The following RGS21 variants were observed in gnomAD, a reference collection of about 807,000 sequenced individuals.
RGS21 encodes the protein regulator of G-protein signalling 21.
In RGS21, 19 loss-of-function variants were observed where a neutral mutation model predicts 18.7. The observed-to-expected ratio is 1.01, with a 90% confidence interval of 0.71 to 1.49. The LOEUF (loss-of-function observed/expected upper bound fraction) is 1.49, where lower values mean the gene tolerates loss of function less well. Ranked by LOEUF, RGS21 falls within the 40% of genes most tolerant of loss-of-function variation. RGS21 has a pLI of 0.00. For synonymous variants in RGS21, 56 were observed against 57.8 expected (o/e 0.97, Z 0.14); for missense variants, 194 against 176.8 (o/e 1.10, Z -0.55).
At chr1:192,348,318 G>A (rs908606630) in intron 3 of RGS21, among the ~76,000 whole-genome samples, 4 of 152,044 alleles carry the variant, frequency 2.6e-5, no homozygotes, top group Non-Finnish European at 2.9e-5. Flanking sequence ...AAGCCACTGC[G>A]CCCAGCTGGC....
intron 1 of RGS21, among the ~76,000 whole-genome samples, chr1:192,318,694 A>G (rs1027161393): frequency 1.3e-5 from 2 of 152,094 alleles, no homozygotes. Flanking sequence ...TAATCTTCAT[A>G]CTCATCATTG....
chr1:192,319,609 CT>C (rs1445066771), intron 1 of RGS21, among the ~76,000 whole-genome samples: 11 of 151,990 alleles, frequency 7.2e-5, no homozygotes, highest in African/African-American at 2.7e-4. Flanking sequence ...ACAAGATGAG[CT>C]TTAAGGGATG....
intron 4 of RGS21, among the ~76,000 whole-genome samples, chr1:192,364,449 T>A (rs1333588592): frequency 6.6e-6 from 1 of 152,174 alleles, no homozygotes; most frequent in Non-Finnish European, 1.5e-5. Flanking sequence ...GGTATTCTTG[T>A]GTCATTTAAT....
chr1:192,333,218 A>C (rs1190668046), intron 1 of RGS21, among the ~76,000 whole-genome samples: 2 of 151,460 alleles, frequency 1.3e-5, no homozygotes, highest in African/African-American at 2.4e-5. Context: ...CATACACTGC[A>C]GGTAGCATAT....
In RGS21 at chr1:192,366,185, A is replaced by G. The variant is rs1659257932; in HGVS notation, c.*61A>G. On this transcript the variant is annotated 3_prime_UTR_variant, in exon 5 of 5. Coordinates refer to ENST00000417209, the MANE Select transcript of RGS21 (RefSeq NM_001039152.3). ...GCTACAATATTTTAAATATACAAGCATGATGCATTGTCTTTTGTTTTGTTT... is the reference window on the plus strand; with the variant it reads ...GCTACAATATTTTAAATATACAAGCGTGATGCATTGTCTTTTGTTTTGTTT... 2 of 958,554 alleles carry G rather than the reference A, an allele frequency of 2.1e-6. No individual in the cohort carries two copies. The highest frequency in any genetic ancestry group is 1.6e-6 in the Non-Finnish European group (1 of 614,046). The allele number at this position is 958,554 out of a possible 1,614,324, so 59.4% of individuals were successfully genotyped here.
At chr1:192,351,933 T>C in intron 3 of RGS21, 114 bp from the exon 4 acceptor site, 1 of 586,252 alleles carries the variant, frequency 1.7e-6, no homozygotes, top group African/African-American at 1.9e-5. Flanking sequence ...GATGCAATGA[T>C]CAATATTTGC....
chr1:192,353,700 T>G (rs1659075919), intron 4 of RGS21, among the ~76,000 whole-genome samples: 1 of 150,982 alleles, frequency 6.6e-6, no homozygotes, highest in South Asian at 2.1e-4. Context: ...TAAAATAGTT[T>G]TATTTATTTT....
At position 192,366,235 on chromosome 1, in the gene RGS21, C is replaced by T; in HGVS notation, c.*111C>T. ...TTTAGGATTTAGAAAACATTTTTTA[C>T]CCAAACAGATGAATAACGTTTTATA... On this transcript the variant is annotated 3_prime_UTR_variant, in exon 5 of 5. Transcript: ENST00000417209. 1.4e-6 allele frequency: 1 copy of T among 691,378 alleles called. No individual in the cohort carries two copies. The highest frequency in any genetic ancestry group is 2.5e-6 in the Non-Finnish European group (1 of 406,560). The allele number at this position is 691,378 out of a possible 1,614,324, so 42.8% of individuals were successfully genotyped here. A position where few individuals can be genotyped will look rare whatever the true frequency, so the allele number is the denominator to read the frequency against.
intron 3 of RGS21, among the ~76,000 whole-genome samples, chr1:192,350,123 A>G (rs1383351999): frequency 1.3e-5 from 2 of 152,152 alleles, no homozygotes; most frequent in South Asian, 2.1e-4. Context: ...AAGGAACGTG[A>G]AGTTAATTGA....
intron 4 of RGS21, among the ~76,000 whole-genome samples, chr1:192,364,478 T>G (rs944260630): frequency 6.6e-6 from 1 of 152,254 alleles, no homozygotes; most frequent in Admixed American, 6.5e-5. Context: ...CATTTTAAGA[T>G]AGGTGCTATT....
At position 192,357,983 on chromosome 1, in the gene RGS21, T is replaced by C. The variant is rs78508539; in HGVS notation, c.255+5770T>C. ...GGTGTTCTTTACACTTCTGTGTCTCTGTGCCACTTAAAATGATCTTAGTTT... is the reference window on the plus strand; with the variant it reads ...GGTGTTCTTTACACTTCTGTGTCTCCGTGCCACTTAAAATGATCTTAGTTT... On this transcript the variant is annotated intron_variant, in intron 4 of 4. Coordinates refer to ENST00000417209, the MANE Select transcript of RGS21 (RefSeq NM_001039152.3). 2.0e-5 allele frequency among the ~76,000 whole-genome samples: 3 copies of C among 152,188 alleles called. No homozygotes were observed. The East Asian group carries it at 5.8e-4, about 29-fold the overall frequency.
At chr1:192,333,953 A>C (rs1448737847) in intron 1 of RGS21, among the ~76,000 whole-genome samples, 1 of 152,172 alleles carries the variant, frequency 6.6e-6, no homozygotes, top group Non-Finnish European at 1.5e-5. Context: ...TGAATATATA[A>C]TTATGTCAAA....
chr1:192,365,863 T>A, intron 4 of RGS21, 58 bp from the exon 5 acceptor site: 1 of 951,468 alleles, frequency 1.1e-6, no homozygotes, highest in Non-Finnish European at 1.7e-6. Context: ...TATATATGTA[T>A]AAACTATACA....
intron 1 of RGS21, among the ~76,000 whole-genome samples, chr1:192,337,819 C>A (rs1455643183): frequency 6.6e-6 from 1 of 152,102 alleles, no homozygotes; most frequent in African/African-American, 2.4e-5. Flanking sequence ...TTATATCTAT[C>A]ATACTATTTT....
At chr1:192,353,992 T>A (rs1659079595) in intron 4 of RGS21, among the ~76,000 whole-genome samples, 1 of 151,616 alleles carries the variant, frequency 6.6e-6, no homozygotes, top group African/African-American at 2.4e-5. Flanking sequence ...ATATATGAAA[T>A]ACTTATTCTG....
Position 192,365,979 on chromosome 1 carries a change from T to A in RGS21, c.314T>A (p.Leu105His). ...LISKNIAEPT[L>H]KCFDEAQKLI... ...TCAAAGAATATTGCTGAACCAACAC[T>A]CAAATGCTTTGATGAGGCTCAGAAA... is the stretch of plus-strand genomic sequence containing the variant. The change falls in exon 5 of 5, where the codon CTC (leucine) becomes CAC (histidine). Residue 105 changes from leucine to histidine, a missense_variant. By Grantham distance (99) the Leu-to-His change is moderately conservative. Coordinates refer to ENST00000417209, the MANE Select transcript of RGS21 (RefSeq NM_001039152.3). The A allele has an allele frequency of 6.2e-7, 1 of 1,610,580 alleles. No homozygotes were observed. The highest frequency in any genetic ancestry group is 8.5e-7 in the Non-Finnish European group (1 of 1,177,290).
intron 4 of RGS21, among the ~76,000 whole-genome samples, chr1:192,363,921 T>C (rs1260582039): frequency 6.6e-6 from 1 of 152,164 alleles, no homozygotes; most frequent in East Asian, 1.9e-4. Flanking sequence ...CTAAAACATT[T>C]ATTTAGTTGT....
chr1:192,348,135 C>T (rs1391580301), intron 3 of RGS21, among the ~76,000 whole-genome samples: 2 of 151,526 alleles, frequency 1.3e-5, no homozygotes, highest in Non-Finnish European at 2.9e-5. Context: ...AAGGGATTCT[C>T]CTGCCTCAGC....
chr1:192,322,300 T>C (rs1032289137), intron 1 of RGS21, among the ~76,000 whole-genome samples: 1 of 151,982 alleles, frequency 6.6e-6, no homozygotes, highest in Non-Finnish European at 1.5e-5. Flanking sequence ...ATCTAATCAA[T>C]CAAATTAATT....
Sources: gnomAD v4.1 joint callset for allele counts (sites outside exome capture counted in the v4.1 genomes callset) on GRCh38, gnomAD v4.1.1 for gene constraint, MANE v1.5 for transcripts, NCBI Gene and HGNC (gene_info 2026-07-23, HGNC 2026-07-21) for gene names.